Variants in LEPR observed in about 807,000 individuals in gnomAD.
The protein encoded by LEPR is leptin receptor.
In LEPR, 56 loss-of-function variants were observed where a neutral mutation model predicts 114.7. The ratio of observed to expected loss-of-function variants is 0.49; its 90% CI spans 0.39 to 0.61. LEPR has a LOEUF of 0.61. Among genes scored for constraint, LEPR ranks in the 20% least tolerant of loss-of-function variants. LEPR has a pLI of 0.00. For synonymous variants in LEPR, 443 were observed against 461.4 expected (o/e 0.96, Z 0.51); for missense variants, 1,202 against 1,352.9 (o/e 0.89, Z 1.75).
At chr1:65,631,281 C>T (rs1658508517) in intron 19 of LEPR, among the ~76,000 whole-genome samples, 1 of 152,068 alleles carries the variant, frequency 6.6e-6, no homozygotes, top group Non-Finnish European at 1.5e-5. Context: ...TAGAAGAGCC[C>T]TATTCCATAT....
At chr1:65,521,057 C>T (rs1011547079) in intron 2 of LEPR, among the ~76,000 whole-genome samples, 1 of 152,194 alleles carries the variant, frequency 6.6e-6, no homozygotes, top group African/African-American at 2.4e-5. Flanking sequence ...AGTTTATGGC[C>T]AGATTTGGGG....
intron 2 of LEPR, among the ~76,000 whole-genome samples, chr1:65,485,706 A>C (rs190864244): frequency 2.2e-4 from 34 of 152,308 alleles, no homozygotes; most frequent in Non-Finnish European, 4.1e-4. Flanking sequence ...GATTAGTCAC[A>C]ATAGATCCTA....
At chr1:65,424,091 C>A (rs1646309309) in intron 1 of LEPR, among the ~76,000 whole-genome samples, 2 of 152,192 alleles carry the variant, frequency 1.3e-5, no homozygotes, top group Admixed American at 1.3e-4. Flanking sequence ...AGATTTGACT[C>A]ATGTTTGTGA....
intron 2 of LEPR, among the ~76,000 whole-genome samples, chr1:65,553,839 G>T (rs1039059211): frequency 1.3e-5 from 2 of 152,088 alleles, no homozygotes; most frequent in African/African-American, 4.8e-5. Context: ...CATCTTCATG[G>T]ATTTATCTAA....
chr1:65,454,884 A>G (rs1289431040), intron 2 of LEPR, among the ~76,000 whole-genome samples: 1 of 152,178 alleles, frequency 6.6e-6, no homozygotes, highest in Non-Finnish European at 1.5e-5. Context: ...GTGTTTTCCA[A>G]CTTGGTTCCA....
intron 2 of LEPR, among the ~76,000 whole-genome samples, chr1:65,550,591 A>G (rs549551288): frequency 1.5e-4 from 23 of 152,282 alleles, no homozygotes; most frequent in South Asian, 4.1e-4. Context: ...GCAATCAGCG[A>G]GACTCCGTGG....
intron 16 of LEPR, among the ~76,000 whole-genome samples, chr1:65,618,441 T>C (rs1389769256): frequency 6.6e-6 from 1 of 152,024 alleles, no homozygotes; most frequent in Non-Finnish European, 1.5e-5. Context: ...TCTTTCCACC[T>C]CAGCTTCCTG....
intron 5 of LEPR, among the ~76,000 whole-genome samples, chr1:65,578,569 T>G (rs1473259716): frequency 6.6e-6 from 1 of 152,132 alleles, no homozygotes; most frequent in Non-Finnish European, 1.5e-5. Context: ...CTCTCCCAAA[T>G]GGGATGATGC....
At chr1:65,554,548 C>T (rs566614657) in intron 2 of LEPR, among the ~76,000 whole-genome samples, 13 of 152,230 alleles carry the variant, frequency 8.5e-5, no homozygotes, top group African/African-American at 2.4e-4. Context: ...TCAGTAATGA[C>T]GGACATTCCT....
intron 2 of LEPR, among the ~76,000 whole-genome samples, chr1:65,524,509 G>C (rs553820734): frequency 2.0e-5 from 3 of 152,202 alleles, no homozygotes; most frequent in African/African-American, 7.2e-5. Flanking sequence ...CTCCATTTGC[G>C]AAGTTATAGC....
chr1:65,570,390 A>C, intron 3 of LEPR, 83 bp from the exon 4 acceptor site: 1 of 1,340,102 alleles, frequency 7.5e-7, no homozygotes, highest in Admixed American at 1.9e-5. Flanking sequence ...TGAGCACTAC[A>C]TGGTTTAATC....
intron 1 of LEPR, among the ~76,000 whole-genome samples, chr1:65,421,848 G>T (rs1361741405): frequency 2.6e-5 from 4 of 152,086 alleles, no homozygotes; most frequent in African/African-American, 9.7e-5. Context: ...GAATGTGTTA[G>T]AAAATTGTGA....
intron 5 of LEPR, among the ~76,000 whole-genome samples, chr1:65,585,986 A>G (rs904662910): frequency 6.6e-6 from 1 of 152,036 alleles, no homozygotes; most frequent in Non-Finnish European, 1.5e-5. Flanking sequence ...GAATCATTTG[A>G]AGTAATTATA....
intron 2 of LEPR, among the ~76,000 whole-genome samples, chr1:65,446,897 T>G (rs1412416365): frequency 6.6e-6 from 1 of 152,146 alleles, no homozygotes; most frequent in Non-Finnish European, 1.5e-5. Context: ...AGTGGCACAA[T>G]CATGGCTCAC....
intron 2 of LEPR, chr1:65,429,829 T>C (rs773642212): frequency 2.4e-5 from 34 of 1,391,958 alleles, no homozygotes; most frequent in Non-Finnish European, 3.2e-5. Flanking sequence ...CTGTTACTTT[T>C]CTTTTTGGAT....
rs1317693274 is a variant in LEPR, at chr1:65,598,859, C to T, written c.994+55C>T. ...GAGGGAAATATATTTCCTGAACTTG[C>T]CTTTGTATAGTATAAGCATCTTACA... On this transcript the variant is annotated intron_variant, in intron 8 of 19. Coordinates refer to ENST00000349533, the MANE Select transcript of LEPR (RefSeq NM_002303.6). 3.1e-6 allele frequency: 5 copies of T among 1,610,008 alleles called. No individual in the cohort carries two copies. In the African/African-American group the frequency reaches 6.7e-5, roughly 22 times the overall value.
At chr1:65,462,035 A>C (rs1049602743) in intron 2 of LEPR, among the ~76,000 whole-genome samples, 2 of 152,216 alleles carry the variant, frequency 1.3e-5, no homozygotes, top group African/African-American at 2.4e-5. Context: ...GTACACGTGC[A>C]CAATGTGCAG....
Position 65,636,637 on chromosome 1 carries a change from A to C in LEPR, c.3120A>C (p.Ser1040=). The change falls in exon 20 of 20, where the codon TCA becomes TCC. Residue 1040 remains serine, a synonymous_variant. Transcript: ENST00000349533. ...EIEAQAFFIL[S]DQHPNIISPH... Reference sequence around the variant, plus strand: ...AGGCCCAGGCATTTTTTATATTATCAGATCAGCATCCCAACATAATTTCAC... The same window carrying C: ...AGGCCCAGGCATTTTTTATATTATCCGATCAGCATCCCAACATAATTTCAC... 6.2e-7 allele frequency: 1 copy of C among 1,612,170 alleles called. No individual in the cohort carries two copies. Among genetic ancestry groups the C allele is most frequent in the Non-Finnish European group, 8.5e-7 (1 of 1,178,888 alleles).
rs564934094 is a variant in LEPR at position 65,531,336 on chromosome 1, T to C, written c.-20-34210T>C. Among the ~76,000 whole-genome samples, 21 of 152,326 alleles carry C rather than the reference T, an allele frequency of 1.4e-4. No individual in the cohort carries two copies. The South Asian group carries it at 4.1e-3, about 30-fold the overall frequency. On this transcript the variant is annotated intron_variant, in intron 2 of 19. Coordinates refer to ENST00000349533, the MANE Select transcript of LEPR (RefSeq NM_002303.6). Reference sequence around the variant, plus strand: ...CTTCGTTCAAATGTCTCCTTTTCAATGAGGCCTACTCTGATTACAGTATTT... The same window carrying C: ...CTTCGTTCAAATGTCTCCTTTTCAACGAGGCCTACTCTGATTACAGTATTT...
Sources: allele counts gnomAD v4.1 joint callset (sites outside exome capture counted in the v4.1 genomes callset), GRCh38; gene constraint gnomAD v4.1.1; transcripts MANE v1.5; gene names NCBI Gene and HGNC (gene_info 2026-07-23, HGNC 2026-07-21).